Variants in GRM7 observed in about 807,000 individuals in gnomAD.
GRM7 encodes glutamate metabotropic receptor 7, also known as metabotropic glutamate receptor 7.
A neutral mutation model predicts 84.5 loss-of-function variants in GRM7; 35 were observed. That is an observed-to-expected ratio of 0.41 (90% CI 0.32 to 0.55). The LOEUF is 0.55. GRM7 is among the 20% of genes least tolerant of loss of function. GRM7 has a pLI of 0.19. For synonymous variants in GRM7, 487 were observed against 455.1 expected (o/e 1.07, Z -0.89); for missense variants, 1,003 against 1,194.6 (o/e 0.84, Z 2.36).
At chr3:6,961,564 T>A (rs1265376936) in intron 1 of GRM7, among the ~76,000 whole-genome samples, 1 of 152,154 alleles carries the variant, frequency 6.6e-6, no homozygotes, top group Admixed American at 6.6e-5. Flanking sequence ...CCTCCATCAA[T>A]CGCACTTTCT....
At chr3:7,126,237 A>G (rs1468395744) in intron 1 of GRM7, among the ~76,000 whole-genome samples, 3 of 152,220 alleles carry the variant, frequency 2.0e-5, no homozygotes, top group Non-Finnish European at 4.4e-5. Context: ...CTATCCCAAA[A>G]TAGGCTGCTG....
chr3:7,077,431 A>T (rs997629308), intron 1 of GRM7, among the ~76,000 whole-genome samples: 12 of 152,122 alleles, frequency 7.9e-5, no homozygotes, highest in African/African-American at 2.7e-4. Flanking sequence ...CAGGACGTGG[A>T]TGAAGCTGGA....
At chr3:7,346,801 G>T (rs1017720587) in intron 4 of GRM7, among the ~76,000 whole-genome samples, 1 of 152,052 alleles carries the variant, frequency 6.6e-6, no homozygotes, top group African/African-American at 2.4e-5. Flanking sequence ...GCACCCATTA[G>T]ATCTATTCTG....
chr3:7,534,854 C>A (rs779749), intron 7 of GRM7, among the ~76,000 whole-genome samples: 4 of 151,892 alleles, frequency 2.6e-5, no homozygotes, highest in Non-Finnish European at 5.9e-5. Flanking sequence ...TAGAAAAACA[C>A]GGCTATTAAG....
At chr3:7,321,372 T>G (rs1451616080) in intron 4 of GRM7, among the ~76,000 whole-genome samples, 1 of 152,056 alleles carries the variant, frequency 6.6e-6, no homozygotes, top group African/African-American at 2.4e-5. Flanking sequence ...TAAGCAGAGT[T>G]CAATTATTTG....
intron 2 of GRM7, among the ~76,000 whole-genome samples, chr3:7,176,111 T>C (rs1167839912): frequency 6.6e-6 from 1 of 151,806 alleles, no homozygotes; most frequent in African/African-American, 2.4e-5. Context: ...CGTTTACATT[T>C]GTAGAATAGG....
chr3:7,243,882 T>C (rs1697656929), intron 2 of GRM7, among the ~76,000 whole-genome samples: 1 of 152,162 alleles, frequency 6.6e-6, no homozygotes, highest in African/African-American at 2.4e-5. Context: ...GCAATTGTAA[T>C]ACAATGATAA....
intron 4 of GRM7, among the ~76,000 whole-genome samples, chr3:7,376,426 A>T (rs185876335): frequency 1.6e-4 from 25 of 152,318 alleles, no homozygotes; most frequent in Non-Finnish European, 2.8e-4. Context: ...TTCCTTAAGG[A>T]AAACAGGTGA....
chr3:7,340,454 T>C (rs1701596354), intron 4 of GRM7, among the ~76,000 whole-genome samples: 1 of 152,028 alleles, frequency 6.6e-6, no homozygotes, highest in Non-Finnish European at 1.5e-5. Flanking sequence ...TATAAAACCA[T>C]CAGATCTTGT....
At chr3:7,220,019 A>T (rs992837420) in intron 2 of GRM7, among the ~76,000 whole-genome samples, 3 of 152,250 alleles carry the variant, frequency 2.0e-5, no homozygotes, top group Admixed American at 2.0e-4. Flanking sequence ...GTATTGGACT[A>T]TAATTCAAAG....
chr3:7,180,778 G>A (rs1384501902), intron 2 of GRM7, among the ~76,000 whole-genome samples: 1 of 152,150 alleles, frequency 6.6e-6, no homozygotes, highest in Admixed American at 6.5e-5. Flanking sequence ...GCAAAGAAAT[G>A]TTCCATCTGA....
chr3:7,670,882 G>A (rs1699892164), intron 8 of GRM7, among the ~76,000 whole-genome samples: 3 of 152,168 alleles, frequency 2.0e-5, no homozygotes, highest in Admixed American at 2.0e-4. Flanking sequence ...TGATGAATAT[G>A]GCAGAGGATT....
chr3:7,674,343 C>G (rs113927054), intron 8 of GRM7, among the ~76,000 whole-genome samples: 3 of 152,056 alleles, frequency 2.0e-5, no homozygotes, highest in East Asian at 1.9e-4. Flanking sequence ...AGGCACCCAC[C>G]ACCCCACCTA....
intron 4 of GRM7, among the ~76,000 whole-genome samples, chr3:7,318,389 C>T (rs569879021): frequency 1.3e-5 from 2 of 151,984 alleles, no homozygotes; most frequent in South Asian, 4.2e-4. Flanking sequence ...GTACCTAGTG[C>T]AGTAAGAAAG....
chr3:7,046,214 A>T (rs1696802201), intron 1 of GRM7, among the ~76,000 whole-genome samples: 1 of 152,080 alleles, frequency 6.6e-6, no homozygotes, highest in Non-Finnish European at 1.5e-5. Flanking sequence ...TAATTAGATT[A>T]TCTGTGTGTT....
intron 4 of GRM7, among the ~76,000 whole-genome samples, chr3:7,399,963 C>T (rs1433600981): frequency 6.6e-6 from 1 of 152,056 alleles, no homozygotes; most frequent in Non-Finnish European, 1.5e-5. Flanking sequence ...CAAAAACGCA[C>T]GAAGACAAGT....
rs567863569 is a variant in GRM7, at chr3:7,577,356, C to T, written c.1516-1066C>T. Among the ~76,000 whole-genome samples, 5 of 152,314 alleles carry T rather than the reference C, an allele frequency of 3.3e-5. No individual in the cohort carries two copies. In the East Asian group the frequency reaches 9.6e-4, roughly 29 times the overall value. On this transcript the variant is annotated intron_variant, in intron 7 of 9. Transcript: ENST00000357716. ...CAAGTCCATATGATGGTGATGCACT[C>T]TCAATTTTGAGAACCACTACAATAT...
At chr3:7,731,316 G>T (rs1702323694) in intron 9 of GRM7, among the ~76,000 whole-genome samples, 1 of 152,130 alleles carries the variant, frequency 6.6e-6, no homozygotes, top group Non-Finnish European at 1.5e-5. Flanking sequence ...TGGAAAAAAA[G>T]GATGGCAAAG....
chr3:7,126,366 G>A (rs779475935), intron 1 of GRM7, among the ~76,000 whole-genome samples: 3 of 152,166 alleles, frequency 2.0e-5, no homozygotes, highest in Non-Finnish European at 4.4e-5. Flanking sequence ...GTGGCACTCA[G>A]GCATAGAGCA....
Sources: allele counts gnomAD v4.1 joint callset (sites outside exome capture counted in the v4.1 genomes callset), GRCh38; gene constraint gnomAD v4.1.1; transcripts MANE v1.5; gene names NCBI Gene and HGNC (gene_info 2026-07-23, HGNC 2026-07-21).